Variants in FAM228B observed in about 807,000 individuals in gnomAD.
FAM228B encodes the protein protein FAM228B.
In FAM228B, 38 loss-of-function variants were observed where a neutral mutation model predicts 42.6. The ratio of observed to expected loss-of-function variants is 0.89; its 90% confidence interval spans 0.69 to 1.17. The LOEUF (loss-of-function observed/expected upper bound fraction) is 1.17. Among genes scored for constraint, FAM228B ranks in the 50% most tolerant of loss-of-function variants. The pLI is 0.00. For synonymous variants in FAM228B, 109 were observed against 122.3 expected, an observed-to-expected ratio of 0.89 and a Z score of 0.72; for missense variants, 344 against 367.3, an observed-to-expected ratio of 0.94 and a Z score of 0.52.
At chr2:24,116,508 T>A (rs1445991042) in intron 3 of FAM228B, among the ~76,000 whole-genome samples, 2 of 152,112 alleles carry the variant, frequency 1.3e-5, no homozygotes, top group Non-Finnish European at 2.9e-5. Context: ...CATTTTTTTT[T>A]ATACAGAGTC....
Position 24,146,062 on chromosome 2 carries a change from A to G in FAM228B, c.442-686A>G, listed in dbSNP as rs79744121. Among the ~76,000 whole-genome samples the G allele has an allele frequency of 7.0e-3, 1,063 of 152,294 alleles. 7 individuals are homozygous for G. Among genetic ancestry groups the G allele is most frequent in the African/African-American group, 0.025 (1,024 of 41,556 alleles). ...GTAGCACTTTTCATAACTTCTGTAA[A>G]AGCAAAATTATACTGGGCAGTCTGA... On this transcript the variant is annotated intron_variant, in intron 5 of 10. Transcript: ENST00000615575.
intron 5 of FAM228B, among the ~76,000 whole-genome samples, chr2:24,143,395 C>T (rs57568311): frequency 0.27 from 41,707 of 151,978 alleles, 6,617 homozygotes; most frequent in East Asian, 0.61. Context: ...GGGGTTTCAT[C>T]GTGTTAGCCA....
rs1380621060 is a variant in FAM228B, at chr2:24,084,515, G to C, written c.-210+3560G>C. Reference sequence around the variant, plus strand: ...CGCTGCCCTGGTCTGCCGCGGACCCGGCCTCCGCCCCGAGCTCCTGCCTGG... The same window carrying C: ...CGCTGCCCTGGTCTGCCGCGGACCCCGCCTCCGCCCCGAGCTCCTGCCTGG... On this transcript the variant is annotated intron_variant, in intron 2 of 10. Coordinates refer to the FAM228B transcript ENST00000613899. This position sits in a 1 kb window ranked among gnomAD's most constrained non-coding sequence, Gnocchi z 8.4. The C allele has an allele frequency of 9.2e-6, 7 of 759,120 alleles. No individual in the cohort carries two copies. The highest frequency in any genetic ancestry group is 1.2e-5 in the Non-Finnish European group (6 of 514,506). The allele number at this position is 759,120 out of a possible 1,614,324, so 47.0% of individuals were successfully genotyped here.
At chr2:24,101,670 T>TTATTA (rs1665608829) in intron 3 of FAM228B, among the ~76,000 whole-genome samples, 1 of 152,028 alleles carries the variant, frequency 6.6e-6, no homozygotes, top group Non-Finnish European at 1.5e-5. Context: ...CTAGTTTTTA[T>TTATTA]TATTTTATTT....
chr2:24,127,925 A>C (rs954619847), intron 2 of FAM228B, among the ~76,000 whole-genome samples: 1 of 152,072 alleles, frequency 6.6e-6, no homozygotes, highest in Non-Finnish European at 1.5e-5. Flanking sequence ...GGCCTCCCAA[A>C]GTGATGGAAT....
chr2:24,166,785 AC>A (rs1667427288), intron 9 of FAM228B, among the ~76,000 whole-genome samples: 4 of 152,116 alleles, frequency 2.6e-5, no homozygotes, highest in Non-Finnish European at 5.9e-5. Flanking sequence ...CTCTGAGATG[AC>A]GTTTGTGCAG....
intron 7 of FAM228B, among the ~76,000 whole-genome samples, chr2:24,160,392 A>T (rs1470192088): frequency 1.3e-5 from 2 of 152,184 alleles, no homozygotes; most frequent in African/African-American, 4.8e-5. Flanking sequence ...TTTTAAAATT[A>T]TCATTTTAAA....
At chr2:24,079,472 G>A (rs1664903082) in intron 1 of FAM228B, 12 of 1,614,056 alleles carry the variant, frequency 7.4e-6, no homozygotes, top group Non-Finnish European at 1.0e-5. Flanking sequence ...CAGCAAACTG[G>A]TGATCAGACT....
intron 3 of FAM228B, among the ~76,000 whole-genome samples, chr2:24,098,046 C>G (rs563350906): frequency 6.6e-6 from 1 of 152,038 alleles, no homozygotes; most frequent in Non-Finnish European, 1.5e-5. Flanking sequence ...GGATACATAA[C>G]GAAATGAAGG....
chr2:24,100,560 G>A (rs1665586914), intron 3 of FAM228B, among the ~76,000 whole-genome samples: 1 of 152,158 alleles, frequency 6.6e-6, no homozygotes, highest in African/African-American at 2.4e-5. Flanking sequence ...AAACCACAAT[G>A]AGATACCATC....
Position 24,135,163 on chromosome 2 carries a change from A to G in FAM228B, c.144A>G (p.Leu48=), listed in dbSNP as rs532578543. Residue 48 remains leucine (L), a synonymous_variant, in exon 3 of 11, where the codon TTA becomes TTG. Coordinates refer to ENST00000615575, the MANE Select transcript of FAM228B (RefSeq NM_001145710.2). ...CTGAGGCAGCTATTCAATCAATATT[A>G]TACAAAGAAAATTCTGTAATTAAGG... ...EDTEAAIQSI[L]YKENSVIKEL... 98 of 1,501,956 alleles carry G rather than the reference A, an allele frequency of 6.5e-5. No homozygotes were observed. The highest frequency in any genetic ancestry group is 8.4e-5 in the Non-Finnish European group (94 of 1,112,694). 93.0% of individuals were successfully genotyped at this position (1,501,956 alleles called of 1,614,324 possible).
chr2:24,125,959 A>G (rs1322293205), intron 2 of FAM228B, among the ~76,000 whole-genome samples: 1 of 151,804 alleles, frequency 6.6e-6, no homozygotes, highest in East Asian at 1.9e-4. Context: ...GTCTTCTTTC[A>G]CTCATCATAA....
chr2:24,129,148 A>G (rs1666385527), intron 2 of FAM228B, among the ~76,000 whole-genome samples: 2 of 152,096 alleles, frequency 1.3e-5, no homozygotes, highest in East Asian at 1.9e-4. Context: ...CTAGTACTCT[A>G]ACCTATGAAC....
intron 5 of FAM228B, among the ~76,000 whole-genome samples, chr2:24,140,171 G>T (rs1005825448): frequency 1.3e-5 from 2 of 152,050 alleles, no homozygotes; most frequent in African/African-American, 4.8e-5. Context: ...CACAGATGTG[G>T]TGTTTTGTTT....
At chr2:24,079,747 A>G (rs1055291716) in intron 1 of FAM228B, 18 of 1,072,054 alleles carry the variant, frequency 1.7e-5, no homozygotes, top group African/African-American at 8.0e-5. Flanking sequence ...TGGTAAATCT[A>G]TAGGTTGGAA....
chr2:24,128,455 G>A (rs912784928), intron 2 of FAM228B, among the ~76,000 whole-genome samples: 1 of 151,994 alleles, frequency 6.6e-6, no homozygotes, highest in African/African-American at 2.4e-5. Context: ...CCTAACTTAT[G>A]AACTACAGGA....
intron 2 of FAM228B, among the ~76,000 whole-genome samples, chr2:24,134,170 G>A (rs1036920436): frequency 5.9e-5 from 9 of 152,082 alleles, no homozygotes; most frequent in African/African-American, 2.2e-4. Flanking sequence ...GTGAGTTAAT[G>A]GATAAAAATA....
intron 3 of FAM228B, among the ~76,000 whole-genome samples, chr2:24,104,949 C>T (rs1665675848): frequency 6.6e-6 from 1 of 152,032 alleles, no homozygotes; most frequent in African/African-American, 2.4e-5. Context: ...TTCCCACCAA[C>T]ACCAGCCACT....
intron 10 of FAM228B, among the ~76,000 whole-genome samples, chr2:24,168,351 C>T (rs1667479072): frequency 6.6e-6 from 1 of 152,196 alleles, no homozygotes; most frequent in Non-Finnish European, 1.5e-5. Flanking sequence ...ATTCATGGAG[C>T]GAGAGGTTGG....
Sources: gnomAD v4.1 joint callset for allele counts (sites outside exome capture counted in the v4.1 genomes callset) on GRCh38, gnomAD v4.1.1 for gene constraint, Gnocchi (gnomAD v3.1) non-coding constraint, MANE v1.5 for transcripts, NCBI Gene and HGNC (gene_info 2026-07-23, HGNC 2026-07-21) for gene names.